CHRM3: variants seen among roughly 807,000 people sequenced by gnomAD.
The protein encoded by CHRM3 is cholinergic receptor muscarinic 3.
Under a neutral mutation model 41.8 loss-of-function variants are expected in CHRM3, and 11 were observed. The ratio of observed to expected loss-of-function variants is 0.26; its 90% CI spans 0.17 to 0.44. The LOEUF (loss-of-function observed/expected upper bound fraction) is 0.44, where lower values mean the gene tolerates loss of function less well. Among genes scored for constraint, CHRM3 ranks in the 20% least tolerant of loss-of-function variants. CHRM3 has a pLI of 1.00. For synonymous variants in CHRM3, 297 were observed against 301.4 expected (o/e 0.99, Z 0.15); for missense variants, 571 against 745.4 (o/e 0.77, Z 2.72).
At chr1:239,693,242 G>A (rs1218728750) in intron 5 of CHRM3, among the ~76,000 whole-genome samples, 5 of 152,036 alleles carry the variant, frequency 3.3e-5, no homozygotes, top group Non-Finnish European at 7.4e-5. Flanking sequence ...GAGTATCATG[G>A]TCTGAATTTT....
chr1:239,858,707 G>A (rs1249026091), intron 6 of CHRM3, among the ~76,000 whole-genome samples: 2 of 152,000 alleles, frequency 1.3e-5, no homozygotes, highest in Non-Finnish European at 2.9e-5. Flanking sequence ...TAGTTTCACA[G>A]CATTCTCATC....
intron 5 of CHRM3, among the ~76,000 whole-genome samples, chr1:239,766,455 C>T (rs1286936208): frequency 4.0e-5 from 6 of 148,788 alleles, no homozygotes; most frequent in Non-Finnish European, 8.8e-5. Flanking sequence ...ATGAAATAAT[C>T]TATACAACAA....
intron 6 of CHRM3, among the ~76,000 whole-genome samples, chr1:239,860,811 G>C (rs1316023503): frequency 6.6e-6 from 1 of 152,154 alleles, no homozygotes; most frequent in African/African-American, 2.4e-5. Context: ...TGATAAATCA[G>C]TCTGTGTAGC....
intron 5 of CHRM3, among the ~76,000 whole-genome samples, chr1:239,799,978 A>G (rs1670086447): frequency 6.6e-6 from 1 of 152,208 alleles, no homozygotes; most frequent in Non-Finnish European, 1.5e-5. Context: ...CTATTAAAAT[A>G]CATTATTTCA....
chr1:239,507,424 G>GCCT (rs1318777891), intron 2 of CHRM3, among the ~76,000 whole-genome samples: 1 of 152,194 alleles, frequency 6.6e-6, no homozygotes, highest in Non-Finnish European at 1.5e-5. Flanking sequence ...TGTGAGACAT[G>GCCT]CCTCCACCTT....
chr1:239,475,037 G>A (rs1182866127), intron 1 of CHRM3, among the ~76,000 whole-genome samples: 1 of 152,004 alleles, frequency 6.6e-6, no homozygotes, highest in African/African-American at 2.4e-5. Context: ...TTTATGTCTA[G>A]TTGTTTGGGG....
At chr1:239,647,603 C>G (rs1297086755) in intron 4 of CHRM3, among the ~76,000 whole-genome samples, 1 of 152,140 alleles carries the variant, frequency 6.6e-6, no homozygotes, top group Non-Finnish European at 1.5e-5. Flanking sequence ...TCCAATGACT[C>G]AAATCTGTGC....
At chr1:239,769,067 A>G (rs1667451912) in intron 5 of CHRM3, among the ~76,000 whole-genome samples, 1 of 151,790 alleles carries the variant, frequency 6.6e-6, no homozygotes, top group Non-Finnish European at 1.5e-5. Context: ...GCCTGACCTA[A>G]GCGACTTTTT....
intron 1 of CHRM3, among the ~76,000 whole-genome samples, chr1:239,438,110 C>T (rs1010171302): frequency 6.6e-6 from 1 of 152,164 alleles, no homozygotes; most frequent in African/African-American, 2.4e-5. Context: ...AACCATATGA[C>T]ATTTTAAAGT....
At chr1:239,559,996 A>G (rs909458388) in intron 3 of CHRM3, among the ~76,000 whole-genome samples, 4 of 152,216 alleles carry the variant, frequency 2.6e-5, no homozygotes, top group Admixed American at 6.5e-5. Context: ...TGATAGATGG[A>G]CTAACTACAT....
rs201087854 is a variant in CHRM3 at position 239,908,508 on chromosome 1, G to T, written c.1057G>T (p.Asp353Tyr). The change falls in exon 7 of 7, where the codon GAC becomes TAC. Residue 353 changes from aspartate (D) to tyrosine (Y), a missense_variant. Transcript: ENST00000676153. The surrounding 1 kb of genome is among the most constrained non-coding windows in gnomAD (Gnocchi z 7.2). ...CTCCCTGGAGAACTCCGCCTCCTCC[G>T]ACGAGGAGGACATTGGCTCCGAGAC... ...AASLENSASS[D>Y]EEDIGSETRA... The T allele has an allele frequency of 6.3e-7, 1 of 1,598,772 alleles. No homozygotes were observed. Among genetic ancestry groups the T allele is most frequent in the Admixed American group, 1.7e-5 (1 of 58,006 alleles).
chr1:239,494,779 A>G (rs1017357243), intron 2 of CHRM3, among the ~76,000 whole-genome samples: 1 of 152,014 alleles, frequency 6.6e-6, no homozygotes. Flanking sequence ...GCTCCCACTT[A>G]CAAGTGAGAA....
At chr1:239,844,213 C>T (rs2149186242) in intron 6 of CHRM3, among the ~76,000 whole-genome samples, 1 of 152,272 alleles carries the variant, frequency 6.6e-6, no homozygotes. Flanking sequence ...TGATCAACAT[C>T]TCCCCACCTT....
chr1:239,835,983 G>A (rs1673284979), intron 6 of CHRM3, among the ~76,000 whole-genome samples: 1 of 152,240 alleles, frequency 6.6e-6, no homozygotes, highest in Non-Finnish European at 1.5e-5. Flanking sequence ...TTGAGACGAT[G>A]GAGATACATT....
intron 5 of CHRM3, chr1:239,706,336 A>G (rs897311610): frequency 1.3e-5 from 2 of 152,110 alleles, no homozygotes; most frequent in Admixed American, 1.3e-4. Context: ...AAAATCCAAG[A>G]GATGGAAAGA....
At chr1:239,742,259 C>A (rs1664924289) in intron 5 of CHRM3, among the ~76,000 whole-genome samples, 1 of 149,776 alleles carries the variant, frequency 6.7e-6, no homozygotes, top group South Asian at 2.2e-4. Context: ...CAAACCACAC[C>A]AAAATGTAGT....
At chr1:239,621,870 C>T (rs879551363) in intron 3 of CHRM3, among the ~76,000 whole-genome samples, 1 of 108,048 alleles carries the variant, frequency 9.3e-6, no homozygotes, top group Non-Finnish European at 2.0e-5. Flanking sequence ...ATCGACCAGC[C>T]TTCTGCTGGA....
intron 6 of CHRM3, among the ~76,000 whole-genome samples, chr1:239,871,866 G>A (rs1471604052): frequency 1.3e-5 from 2 of 152,070 alleles, no homozygotes; most frequent in Non-Finnish European, 2.9e-5. Flanking sequence ...TACGAGAGGC[G>A]CACTGAAATT....
At chr1:239,876,540 T>C (rs17598757) in intron 6 of CHRM3, among the ~76,000 whole-genome samples, 11,035 of 152,256 alleles carry the variant, frequency 0.072, 580 homozygotes, top group Non-Finnish European at 0.11. Context: ...ACTCTCTCTA[T>C]GTCTCTATAT....
Sources: allele counts gnomAD v4.1 joint callset (sites outside exome capture counted in the v4.1 genomes callset), GRCh38; gene constraint gnomAD v4.1.1; non-coding constraint Gnocchi (gnomAD v3.1); transcripts MANE v1.5; gene names NCBI Gene and HGNC (gene_info 2026-07-23, HGNC 2026-07-21).